Variants in ZMAT4 observed in about 807,000 individuals in gnomAD.
The protein encoded by ZMAT4 is zinc finger matrin-type protein 4.
ZMAT4 carries 17 observed loss-of-function variants against 28.7 expected under a neutral mutation model. The observed-to-expected ratio is 0.59, with a 90% CI of 0.41 to 0.89. The LOEUF is 0.89. Ranked by LOEUF, ZMAT4 falls within the 40% of genes least tolerant of loss-of-function variation. The pLI, the probability that ZMAT4 is intolerant of heterozygous loss-of-function variation, is 0.00. For synonymous variants in ZMAT4, 117 were observed against 109.2 expected, an observed-to-expected ratio of 1.07 and a Z score of -0.44; for missense variants, 240 against 283.8, an observed-to-expected ratio of 0.85 and a Z score of 1.11.
intron 6 of ZMAT4, among the ~76,000 whole-genome samples, chr8:40,572,805 A>AT (rs1322061029): frequency 2.0e-5 from 3 of 152,116 alleles, no homozygotes; most frequent in Non-Finnish European, 4.4e-5. Context: ...GACTGCCATT[A>AT]TGCTGTTTAC....
At chr8:40,540,069 C>A (rs140225922) in intron 6 of ZMAT4, among the ~76,000 whole-genome samples, 2 of 152,314 alleles carry the variant, frequency 1.3e-5, no homozygotes, top group Non-Finnish European at 2.9e-5. Flanking sequence ...ACTCTGGACA[C>A]CAAAGCTCAG....
At chr8:40,647,586 G>C (rs10099113) in intron 5 of ZMAT4, among the ~76,000 whole-genome samples, 42,102 of 151,982 alleles carry the variant, frequency 0.28, 5,952 homozygotes, top group Admixed American at 0.37. Context: ...AGCTCAAGGA[G>C]GCCTGCCTGT....
chr8:40,872,112 C>T (rs1174610570), intron 1 of ZMAT4, among the ~76,000 whole-genome samples: 1 of 152,140 alleles, frequency 6.6e-6, no homozygotes, highest in Non-Finnish European at 1.5e-5. Flanking sequence ...CCTTCCAGGA[C>T]CTCTGAGGTT....
At chr8:40,642,127 CA>C (rs1388497482) in intron 5 of ZMAT4, among the ~76,000 whole-genome samples, 4 of 152,092 alleles carry the variant, frequency 2.6e-5, no homozygotes, top group Admixed American at 2.6e-4. Context: ...GGATAAATAA[CA>C]AACAGATTTT....
At chr8:40,743,121 C>A (rs556796587) in intron 3 of ZMAT4, among the ~76,000 whole-genome samples, 1 of 151,894 alleles carries the variant, frequency 6.6e-6, no homozygotes, top group African/African-American at 2.4e-5. Flanking sequence ...TATTAAGAAA[C>A]AATCATTGTA....
intron 5 of ZMAT4, among the ~76,000 whole-genome samples, chr8:40,637,526 G>A (rs1563378594): frequency 6.6e-6 from 1 of 152,246 alleles, no homozygotes; most frequent in Non-Finnish European, 1.5e-5. Flanking sequence ...GAAAGAGAGA[G>A]AGGGAGATTA....
chr8:40,716,616 T>C (rs1443334680), intron 3 of ZMAT4, among the ~76,000 whole-genome samples: 1 of 152,144 alleles, frequency 6.6e-6, no homozygotes, highest in Admixed American at 6.5e-5. Context: ...CGCTTGAACC[T>C]GGGAGGTGGA....
intron 3 of ZMAT4, among the ~76,000 whole-genome samples, chr8:40,759,553 G>A (rs542625578): frequency 2.6e-5 from 4 of 152,186 alleles, no homozygotes; most frequent in African/African-American, 4.8e-5. Flanking sequence ...GAGAACCCTC[G>A]CCAGAAACTG....
chr8:40,761,485 C>T (rs1274518590), intron 3 of ZMAT4, among the ~76,000 whole-genome samples: 1 of 152,064 alleles, frequency 6.6e-6, no homozygotes, highest in South Asian at 2.1e-4. Flanking sequence ...AAGCTTTTGC[C>T]TTGGGGAAGC....
chr8:40,645,887 G>A (rs902794814), intron 5 of ZMAT4, among the ~76,000 whole-genome samples: 9 of 152,018 alleles, frequency 5.9e-5, no homozygotes, highest in African/African-American at 1.9e-4. Flanking sequence ...AATGTATATA[G>A]CAATGTAACA....
At chr8:40,696,092 G>T (rs974441545) in intron 4 of ZMAT4, among the ~76,000 whole-genome samples, 11 of 152,016 alleles carry the variant, frequency 7.2e-5, no homozygotes, top group Admixed American at 5.9e-4. Flanking sequence ...CTTGTCAAAG[G>T]CTGAAACACA....
At chr8:40,580,631 A>G (rs994021916) in intron 6 of ZMAT4, among the ~76,000 whole-genome samples, 2 of 152,210 alleles carry the variant, frequency 1.3e-5, no homozygotes, top group African/African-American at 4.8e-5. Flanking sequence ...AGACTTTCTC[A>G]GTTTAAAATT....
chr8:40,820,370 G>A (rs1040215983), intron 2 of ZMAT4, among the ~76,000 whole-genome samples: 1 of 144,736 alleles, frequency 6.9e-6, no homozygotes, highest in Admixed American at 7.0e-5. Flanking sequence ...GTGTGTCTAC[G>A]TGTGTGGGTG....
intron 1 of ZMAT4, among the ~76,000 whole-genome samples, chr8:40,891,535 A>G (rs1187725135): frequency 1.3e-5 from 2 of 151,942 alleles, no homozygotes; most frequent in Non-Finnish European, 2.9e-5. Context: ...CTGGCCCACC[A>G]GCCCCTGGCG....
rs2118335838 is a variant in ZMAT4 at position 40,531,120 on chromosome 8, C to A, written c.*1103G>T. On this transcript the variant is annotated 3_prime_UTR_variant, in exon 7 of 7. Coordinates refer to ENST00000297737, the MANE Select transcript of ZMAT4 (RefSeq NM_024645.3). ...CACTTCGTAACCAGGCTACAAGACA[C>A]CAAGTCCGGTCACCATGGAAAAGAA... 6.6e-6 allele frequency: 1 copy of A among 152,668 alleles called. No homozygotes were observed. 9.5% of individuals were successfully genotyped at this position (152,668 alleles called of 1,614,324 possible). A position where few individuals can be genotyped will look rare whatever the true frequency, so the allele number is the denominator to read the frequency against.
At position 40,770,543 on chromosome 8, in the gene ZMAT4, T is replaced by A. The variant is rs1183412472; in HGVS notation, c.103-2813A>T. 2.1e-4 allele frequency among the ~76,000 whole-genome samples: 24 copies of A among 115,066 alleles called. No individual in the cohort carries two copies. The East Asian group carries it at 5.8e-3, about 28-fold the overall frequency. 75.5% of individuals were successfully genotyped at this position (115,066 alleles called of 152,430 possible). ...CTTTCTTCCTCCCTTTCTTTCTTTCTCTCTCATTTTTTTTTTTTTTTTGTG... is the reference window on the plus strand; with the variant it reads ...CTTTCTTCCTCCCTTTCTTTCTTTCACTCTCATTTTTTTTTTTTTTTTGTG... On this transcript the variant is annotated intron_variant, in intron 2 of 6. Transcript: ENST00000297737.
chr8:40,652,313 C>G (rs1180396715), intron 5 of ZMAT4, among the ~76,000 whole-genome samples: 1 of 119,368 alleles, frequency 8.4e-6, no homozygotes, highest in Non-Finnish European at 1.8e-5. Flanking sequence ...ATTTATGCAG[C>G]CAAAAAACAC....
intron 2 of ZMAT4, among the ~76,000 whole-genome samples, chr8:40,824,074 G>A (rs962957611): frequency 2.0e-5 from 3 of 152,116 alleles, no homozygotes; most frequent in Admixed American, 6.5e-5. Context: ...TTCTGGGTGC[G>A]TATGTGTGTG....
intron 3 of ZMAT4, among the ~76,000 whole-genome samples, chr8:40,747,775 A>G (rs1348896687): frequency 1.3e-5 from 2 of 152,158 alleles, no homozygotes; most frequent in African/African-American, 4.8e-5. Context: ...CAAACAAACT[A>G]ATTTGTTAAT....
Sources: allele counts gnomAD v4.1 joint callset (sites outside exome capture counted in the v4.1 genomes callset), GRCh38; gene constraint gnomAD v4.1.1; transcripts MANE v1.5; gene names NCBI Gene and HGNC (gene_info 2026-07-23, HGNC 2026-07-21).